The following CERS6 variants were observed in gnomAD, a reference collection of about 807,000 sequenced individuals.
CERS6 encodes ceramide synthase 6.
CERS6 carries 26 observed loss-of-function variants against 56.8 expected under a neutral mutation model. The observed-to-expected ratio is 0.46, with a 90% CI of 0.34 to 0.63. The LOEUF is 0.63. Among genes scored for constraint, CERS6 ranks in the 30% least tolerant of loss-of-function variants. The probability of loss-of-function intolerance (pLI) is 0.01; values close to 1 mark genes in which losing one functional copy is unlikely to be tolerated. For missense variants in CERS6, 415 were observed against 467.5 expected (o/e 0.89, Z 1.04); for synonymous variants, 164 against 173.3 (o/e 0.95, Z 0.42).
chr2:168,630,278 G>A (rs1684683908), intron 3 of CERS6, among the ~76,000 whole-genome samples: 1 of 144,992 alleles, frequency 6.9e-6, no homozygotes, highest in South Asian at 2.3e-4. Context: ...TAGTACTAGA[G>A]TAAGAGTTTT....
intron 1 of CERS6, among the ~76,000 whole-genome samples, chr2:168,497,393 A>G (rs1694491914): frequency 6.6e-6 from 1 of 152,158 alleles, no homozygotes; most frequent in Admixed American, 6.5e-5. Flanking sequence ...ATAAATAGGG[A>G]AGGAAGGGAG....
intron 4 of CERS6, among the ~76,000 whole-genome samples, chr2:168,689,731 A>C (rs6719331): frequency 0.064 from 9,774 of 152,260 alleles, 428 homozygotes; most frequent in African/African-American, 0.13. Flanking sequence ...AGGCAAAATC[A>C]GGAGCCTAAT....
chr2:168,759,016 A>G (rs557735762), intron 8 of CERS6, among the ~76,000 whole-genome samples: 10 of 152,310 alleles, frequency 6.6e-5, no homozygotes, highest in African/African-American at 2.4e-4. Context: ...CCTTATGTCT[A>G]TGATGATCAA....
chr2:168,734,602 C>T (rs766663350), intron 8 of CERS6, among the ~76,000 whole-genome samples: 3 of 152,142 alleles, frequency 2.0e-5, no homozygotes, highest in Non-Finnish European at 2.9e-5. Context: ...ATTTGGCCAT[C>T]TATCAGTAGT....
chr2:168,531,816 G>C (rs1030843163), intron 1 of CERS6, among the ~76,000 whole-genome samples: 6 of 143,954 alleles, frequency 4.2e-5, no homozygotes, highest in Non-Finnish European at 7.5e-5. Flanking sequence ...GCGAGACTCT[G>C]TCTCAAAAAA....
At chr2:168,745,681 A>G (rs989857316) in intron 8 of CERS6, among the ~76,000 whole-genome samples, 5 of 152,246 alleles carry the variant, frequency 3.3e-5, no homozygotes, top group Non-Finnish European at 7.3e-5. Flanking sequence ...TTCAAACTTA[A>G]CAACTATTAA....
rs73026590 is a variant in CERS6, at chr2:168,693,089, G to A, written c.517-1870G>A. On this transcript the variant is annotated intron_variant, in intron 5 of 9. Transcript: ENST00000305747. ...GTGTATATTCTAAGTTTAAAATAATGTGAAGTTGCATTCAGTTGAACCTTG... is the reference window on the plus strand; with the variant it reads ...GTGTATATTCTAAGTTTAAAATAATATGAAGTTGCATTCAGTTGAACCTTG... Among the ~76,000 whole-genome samples the A allele has an allele frequency of 7.4e-3, 1,120 of 152,140 alleles. 12 individuals carry two copies. Among genetic ancestry groups the A allele is most frequent in the African/African-American group, 0.026 (1,074 of 41,498 alleles).
At chr2:168,622,639 T>TTG (rs1248433505) in intron 3 of CERS6, among the ~76,000 whole-genome samples, 11 of 152,204 alleles carry the variant, frequency 7.2e-5, no homozygotes, top group Admixed American at 2.0e-4. Context: ...AGTGAATAGG[T>TTG]GAATGGGTTT....
chr2:168,509,401 C>A (rs1694738790), intron 1 of CERS6, among the ~76,000 whole-genome samples: 1 of 152,088 alleles, frequency 6.6e-6, no homozygotes, highest in Non-Finnish European at 1.5e-5. Context: ...TATTTACAGC[C>A]CCAATTTTCC....
chr2:168,615,929 A>G (rs1684306437), intron 3 of CERS6, among the ~76,000 whole-genome samples: 1 of 152,222 alleles, frequency 6.6e-6, no homozygotes, highest in African/African-American at 2.4e-5. Flanking sequence ...CAGGTAGTCT[A>G]AAGTTAAGAC....
At chr2:168,552,090 A>AT (rs1285801994) in intron 2 of CERS6, among the ~76,000 whole-genome samples, 1 of 152,204 alleles carries the variant, frequency 6.6e-6, no homozygotes, top group Non-Finnish European at 1.5e-5. Flanking sequence ...TTTTAAAGTG[A>AT]TAGGCAGATT....
intron 1 of CERS6, among the ~76,000 whole-genome samples, chr2:168,473,309 C>T (rs558110932): frequency 8.6e-5 from 13 of 151,814 alleles, no homozygotes; most frequent in Non-Finnish European, 1.8e-4. Context: ...AAAAAATTTA[C>T]CCTTTTATTG....
chr2:168,732,478 A>T (rs74452404), intron 8 of CERS6, among the ~76,000 whole-genome samples: 13,257 of 152,184 alleles, frequency 0.087, 948 homozygotes, highest in East Asian at 0.43. Context: ...ATATAGTATA[A>T]CCCTTTTTAC....
chr2:168,487,398 T>C (rs912337550), intron 1 of CERS6, among the ~76,000 whole-genome samples: 19 of 152,170 alleles, frequency 1.2e-4, no homozygotes, highest in African/African-American at 4.6e-4. Context: ...AGAGGTGGAG[T>C]GCCTCCAAGG....
At chr2:168,477,953 G>C (rs369624550) in intron 1 of CERS6, among the ~76,000 whole-genome samples, 5 of 152,044 alleles carry the variant, frequency 3.3e-5, no homozygotes, top group African/African-American at 4.8e-5. Flanking sequence ...TTTTATAAAG[G>C]CTTCCTATGC....
intron 1 of CERS6, among the ~76,000 whole-genome samples, chr2:168,518,988 G>A (rs897967054): frequency 1.4e-4 from 21 of 152,114 alleles, no homozygotes; most frequent in South Asian, 2.1e-4. Context: ...ATTGCCCGGG[G>A]AGCTCCTGAC....
At position 168,771,427 on chromosome 2, in the gene CERS6, A is replaced by G. The variant is rs925374961; in HGVS notation, c.*1765A>G. On this transcript the variant is annotated 3_prime_UTR_variant, in exon 10 of 10. Coordinates refer to ENST00000305747, the MANE Select transcript of CERS6 (RefSeq NM_203463.3). Reference sequence around the variant, plus strand: ...GGCTTAGAAATACATCTGCTTGTTTATTGAGAAAACGATGCAAATAATTCT... The same window carrying G: ...GGCTTAGAAATACATCTGCTTGTTTGTTGAGAAAACGATGCAAATAATTCT... 2.6e-5 allele frequency: 4 copies of G among 152,178 alleles called. No homozygotes were observed. The highest frequency in any genetic ancestry group is 7.2e-5 in the African/African-American group (3 of 41,444). 9.4% of individuals were successfully genotyped at this position (152,178 alleles called of 1,614,324 possible).
At chr2:168,731,034 A>C (rs909173646) in intron 8 of CERS6, among the ~76,000 whole-genome samples, 2 of 152,210 alleles carry the variant, frequency 1.3e-5, no homozygotes, top group Non-Finnish European at 2.9e-5. Flanking sequence ...AAATGCTTTT[A>C]AATTCTGAGA....
At chr2:168,617,193 G>C (rs1684338023) in intron 3 of CERS6, among the ~76,000 whole-genome samples, 1 of 152,076 alleles carries the variant, frequency 6.6e-6, no homozygotes, top group Admixed American at 6.5e-5. Flanking sequence ...AATGACAATA[G>C]TGGCTCAACC....
Sources: gnomAD v4.1 joint callset for allele counts (sites outside exome capture counted in the v4.1 genomes callset) on GRCh38, gnomAD v4.1.1 for gene constraint, MANE v1.5 for transcripts, NCBI Gene and HGNC (gene_info 2026-07-23, HGNC 2026-07-21) for gene names.